RPGRIP1L: variants seen among roughly 807,000 people sequenced by gnomAD.
The protein encoded by RPGRIP1L is protein fantom.
A neutral mutation model predicts 160.4 loss-of-function variants in RPGRIP1L; 131 were observed. The observed-to-expected ratio is 0.82, with a 90% CI of 0.71 to 0.94. The LOEUF (loss-of-function observed/expected upper bound fraction) is 0.94. Ranked by LOEUF, RPGRIP1L falls within the 40% of genes least tolerant of loss-of-function variation. The pLI is 0.00. For synonymous variants in RPGRIP1L, 510 were observed against 515.8 expected, an observed-to-expected ratio of 0.99 and a Z score of 0.15; for missense variants, 1,522 against 1,535.8, an observed-to-expected ratio of 0.99 and a Z score of 0.15.
chr16:53,633,181 G>T (rs56272531), intron 22 of RPGRIP1L, among the ~76,000 whole-genome samples: 16,545 of 152,112 alleles, frequency 0.11, 1,629 homozygotes, highest in African/African-American at 0.26. Flanking sequence ...GAAGACAAAA[G>T]AAAAAACTAA....
chr16:53,695,229 G>A lies in RPGRIP1L; in HGVS notation c.230+922C>T, dbSNP rs1188856049. Reference sequence around the variant, plus strand: ...ATGCCTCATTCTGACTGGCTGATGTGTGTGGGATAATGGTCAGAAAAGGAA... The same window carrying A: ...ATGCCTCATTCTGACTGGCTGATGTATGTGGGATAATGGTCAGAAAAGGAA... On this transcript the variant is annotated intron_variant, in intron 3 of 26. Coordinates refer to ENST00000647211, the MANE Select transcript of RPGRIP1L (RefSeq NM_015272.5). The A allele has an allele frequency of 6.1e-6, 4 of 653,400 alleles. No individual in the cohort carries two copies. In the East Asian group the frequency reaches 1.1e-4, roughly 18 times the overall value. The allele number at this position is 653,400 out of a possible 1,614,324, so 40.5% of individuals were successfully genotyped here.
chr16:53,607,599 A>T (rs1014812618), intron 25 of RPGRIP1L, among the ~76,000 whole-genome samples: 2 of 152,112 alleles, frequency 1.3e-5, no homozygotes, highest in Non-Finnish European at 2.9e-5. Flanking sequence ...TAATAATGTT[A>T]AGTGTTATCT....
rs769261779 is a variant in RPGRIP1L at position 53,652,700 on chromosome 16, C to G, written c.1987G>C (p.Val663Leu). The part of the protein sequence containing the change: ...PEYNFTSQYL[V>L]HVNDLFLQYI... ...TGCAAAAATAAGTCATTAACATGAA[C>G]AAGATATTGAGAAGTGAAGTTATAT... Residue 663 changes from valine (V) to leucine (L), a missense_variant, in exon 15 of 27, where the codon GTT (valine) becomes CTT (leucine). Coordinates refer to ENST00000647211, the MANE Select transcript of RPGRIP1L (RefSeq NM_015272.5). The G allele has an allele frequency of 6.2e-7, 1 of 1,614,024 alleles. No individual in the cohort carries two copies. The highest frequency in any genetic ancestry group is 2.2e-5 in the East Asian group (1 of 44,868).
chr16:53,649,032 A>G lies in RPGRIP1L; in HGVS notation c.2236T>C (p.Tyr746His). The change falls in exon 16 of 27, where the codon TAT (tyrosine) becomes CAT (histidine). Residue 746 changes from tyrosine to histidine, a missense_variant. By Grantham distance (83) the Tyr-to-His change is moderately conservative. Coordinates refer to ENST00000647211, the MANE Select transcript of RPGRIP1L (RefSeq NM_015272.5). ...CCCAAAGCCTTTGCCCTTTCTCGAT[A>G]AAGTCGAATTGCTTGATCCATGGGA... ...RVPMDQAIRLYRERAKALGYI... is the reference protein window; with the variant it reads ...RVPMDQAIRLHRERAKALGYI... 1.2e-6 allele frequency: 2 copies of G among 1,613,998 alleles called. No homozygotes were observed. The highest frequency in any genetic ancestry group is 8.5e-7 in the Non-Finnish European group (1 of 1,179,872).
chr16:53,689,008 A>ACT (rs1336084687), intron 4 of RPGRIP1L, among the ~76,000 whole-genome samples: 5 of 151,312 alleles, frequency 3.3e-5, no homozygotes, highest in Non-Finnish European at 7.4e-5. Context: ...GTGGAAATAA[A>ACT]AAATAATCAA....
chr16:53,624,474 G>A (rs2150983048), intron 22 of RPGRIP1L, among the ~76,000 whole-genome samples: 1 of 152,112 alleles, frequency 6.6e-6, no homozygotes, highest in South Asian at 2.1e-4. Context: ...AACCCGGCAG[G>A]TGGAGGTTGC....
At chr16:53,700,234 TC>T (rs148130923) in intron 2 of RPGRIP1L, among the ~76,000 whole-genome samples, 287 of 152,362 alleles carry the variant, frequency 1.9e-3, no homozygotes, top group African/African-American at 6.6e-3. Context: ...TGTGAGATAT[TC>T]CACTTAAAAG....
chr16:53,693,653 A>G (rs1350302614), intron 3 of RPGRIP1L: 1 of 152,238 alleles, frequency 6.6e-6, no homozygotes, highest in African/African-American at 2.4e-5. Flanking sequence ...ACACTCTAGT[A>G]AAATAATCAA....
intron 16 of RPGRIP1L, among the ~76,000 whole-genome samples, chr16:53,647,511 C>T (rs531158675): frequency 9.5e-4 from 144 of 152,290 alleles, no homozygotes; most frequent in Non-Finnish European, 1.5e-3. Flanking sequence ...CCCAATTTTA[C>T]GTGTCCAGAT....
At chr16:53,681,771 G>A (rs1239034289) in intron 6 of RPGRIP1L, among the ~76,000 whole-genome samples, 1 of 152,196 alleles carries the variant, frequency 6.6e-6, no homozygotes, top group African/African-American at 2.4e-5. Flanking sequence ...AAGAGTTTCT[G>A]TAATATTCTA....
intron 22 of RPGRIP1L, among the ~76,000 whole-genome samples, chr16:53,625,666 G>C (rs1567808879): frequency 3.9e-5 from 6 of 152,184 alleles, no homozygotes; most frequent in South Asian, 2.1e-4. Flanking sequence ...ATTGAGAACG[G>C]GCCATGATGA....
At chr16:53,658,489 A>C in intron 11 of RPGRIP1L, 25 bp from the exon 12 acceptor site, 2 of 1,557,346 alleles carry the variant, frequency 1.3e-6, no homozygotes, top group Non-Finnish European at 1.8e-6. Flanking sequence ...GTAAAAGCTC[A>C]CAATGAGTTA....
At chr16:53,637,962 T>G in intron 20 of RPGRIP1L, 108 bp from the exon 21 acceptor site, 1 of 1,059,636 alleles carries the variant, frequency 9.4e-7, no homozygotes, top group Non-Finnish European at 1.4e-6. Flanking sequence ...GAGACTTAAA[T>G]ATACAGATAT....
chr16:53,659,523 A>G (rs1225156706), intron 10 of RPGRIP1L: 6 of 152,516 alleles, frequency 3.9e-5, no homozygotes, highest in African/African-American at 1.2e-4. Flanking sequence ...TTAGTCAACC[A>G]TACTTCCAAC....
rs996946887 is a variant in RPGRIP1L at position 53,600,124 on chromosome 16, A to G, written c.*1952T>C. On this transcript the variant is annotated 3_prime_UTR_variant, in exon 27 of 27. Coordinates refer to ENST00000647211, the MANE Select transcript of RPGRIP1L (RefSeq NM_015272.5). Reference sequence around the variant, plus strand: ...TATTTAGTTTGGGATGTAACATTTTACAACAATAATACAAACCTCCTGGGA... The same window carrying G: ...TATTTAGTTTGGGATGTAACATTTTGCAACAATAATACAAACCTCCTGGGA... 3.9e-5 allele frequency: 6 copies of G among 152,620 alleles called. No homozygotes were observed. The highest frequency in any genetic ancestry group is 1.2e-4 in the African/African-American group (5 of 41,444). The allele number at this position is 152,620 out of a possible 1,614,324, so 9.5% of individuals were successfully genotyped here.
chr16:53,698,564 G>A (rs1157179935), intron 2 of RPGRIP1L, among the ~76,000 whole-genome samples: 3 of 144,864 alleles, frequency 2.1e-5, no homozygotes, highest in South Asian at 4.4e-4. Flanking sequence ...CCCCCGCCCG[G>A]CCAGCCGCCT....
intron 14 of RPGRIP1L, chr16:53,655,713 A>C (rs1382342136): frequency 6.6e-6 from 1 of 152,260 alleles, no homozygotes; most frequent in Non-Finnish European, 1.5e-5. Flanking sequence ...CAATATAAAA[A>C]AGCATGGGCC....
intron 5 of RPGRIP1L, among the ~76,000 whole-genome samples, chr16:53,687,600 C>T (rs757117008): frequency 2.0e-5 from 3 of 152,044 alleles, no homozygotes; most frequent in Non-Finnish European, 4.4e-5. Flanking sequence ...TTCTAACTGA[C>T]TGGACTTTAT....
At chr16:53,625,374 C>A (rs1294193446) in intron 22 of RPGRIP1L, among the ~76,000 whole-genome samples, 1 of 151,372 alleles carries the variant, frequency 6.6e-6, no homozygotes, top group African/African-American at 2.4e-5. Context: ...CCGGCCGCCA[C>A]CCCGTCTGGG....
Sources: allele counts gnomAD v4.1 joint callset (sites outside exome capture counted in the v4.1 genomes callset), GRCh38; gene constraint gnomAD v4.1.1; transcripts MANE v1.5; gene names NCBI Gene and HGNC (gene_info 2026-07-23, HGNC 2026-07-21).